Variants in OTUD7A observed in about 807,000 individuals in gnomAD.
OTUD7A encodes the protein OTU domain-containing protein 7A.
A neutral mutation model predicts 65.7 loss-of-function variants in OTUD7A; 12 were observed. The observed-to-expected ratio is 0.18, with a 90% CI of 0.12 to 0.30. The LOEUF (loss-of-function observed/expected upper bound fraction) is 0.30, where lower values mean the gene tolerates loss of function less well. OTUD7A is among the 10% of genes least tolerant of loss of function. OTUD7A has a pLI of 1.00. For synonymous variants in OTUD7A, 641 were observed against 586.3 expected, an observed-to-expected ratio of 1.09 and a Z score of -1.35; for missense variants, 1,148 against 1,304.8, an observed-to-expected ratio of 0.88 and a Z score of 1.85.
chr15:31,599,811 T>C (rs911398635), intron 3 of OTUD7A, among the ~76,000 whole-genome samples: 11 of 151,516 alleles, frequency 7.3e-5, no homozygotes, highest in Admixed American at 2.6e-4. Context: ...CCTGATGGAG[T>C]TGAAAAACAC....
chr15:31,570,711 G>A (rs535741571), intron 3 of OTUD7A, among the ~76,000 whole-genome samples: 1 of 152,332 alleles, frequency 6.6e-6, no homozygotes, highest in Admixed American at 6.5e-5. Context: ...GTGGGAGATA[G>A]GCTTCTGAGC....
At chr15:31,795,867 A>T (rs1046182401) in intron 1 of OTUD7A, among the ~76,000 whole-genome samples, 2 of 152,190 alleles carry the variant, frequency 1.3e-5, no homozygotes, top group Non-Finnish European at 2.9e-5. Context: ...AAAGAAAGAC[A>T]GCACAGGAAT....
At chr15:31,824,073 T>C (rs1464188330) in intron 1 of OTUD7A, among the ~76,000 whole-genome samples, 1 of 152,138 alleles carries the variant, frequency 6.6e-6, no homozygotes, top group Non-Finnish European at 1.5e-5. Flanking sequence ...ATGAAGAGCA[T>C]AGTAGGGGCA....
chr15:31,860,679 A>ATATATATATATATATATATGTATG (rs1897709689), intron 1 of OTUD7A, among the ~76,000 whole-genome samples: 7 of 40,880 alleles, frequency 1.7e-4, no homozygotes, highest in Admixed American at 3.0e-4. Flanking sequence ...GTATGTGTGT[A>ATATATATATATATATATATGTATG]TATATATATA....
At chr15:31,848,264 A>C (rs1480782204) in intron 1 of OTUD7A, among the ~76,000 whole-genome samples, 1 of 152,168 alleles carries the variant, frequency 6.6e-6, no homozygotes, top group Non-Finnish European at 1.5e-5. Flanking sequence ...GGTCTTGAAG[A>C]GAAGGCCCTG....
At chr15:31,832,680 G>A (rs1224527054) in intron 1 of OTUD7A, among the ~76,000 whole-genome samples, 1 of 152,154 alleles carries the variant, frequency 6.6e-6, no homozygotes, top group African/African-American at 2.4e-5. Context: ...GGTACCTCAT[G>A]TAAGTGGAAT....
At chr15:31,745,808 T>A (rs1282582486) in intron 1 of OTUD7A, among the ~76,000 whole-genome samples, 2 of 152,132 alleles carry the variant, frequency 1.3e-5, no homozygotes, top group Non-Finnish European at 2.9e-5. Flanking sequence ...AATTCTAACC[T>A]CTATGATAAA....
At chr15:31,593,727 A>C (rs1474902092) in intron 3 of OTUD7A, among the ~76,000 whole-genome samples, 1 of 152,118 alleles carries the variant, frequency 6.6e-6, no homozygotes, top group Non-Finnish European at 1.5e-5. Flanking sequence ...AAAATATATA[A>C]TTTCATTTCA....
Position 31,623,896 on chromosome 15 carries a change from C to G in OTUD7A, c.151+31200G>C, listed in dbSNP as rs191054417. 3.3e-3 allele frequency among the ~76,000 whole-genome samples: 498 copies of G among 152,274 alleles called. 1 individual carries two copies. Among genetic ancestry groups the G allele is most frequent in the Non-Finnish European group, 4.9e-3 (331 of 68,030 alleles). ...TAGACTGGAGCTGTTCCTATTCGGCCAACTTGGAACTGCCCCACCGATTTG... is the reference window on the plus strand; with the variant it reads ...TAGACTGGAGCTGTTCCTATTCGGCGAACTTGGAACTGCCCCACCGATTTG... On this transcript the variant is annotated intron_variant, in intron 3 of 12. Coordinates refer to ENST00000307050, the MANE Select transcript of OTUD7A (RefSeq NM_001382637.1).
intron 1 of OTUD7A, chr15:31,768,121 T>C: frequency 6.3e-7 from 1 of 1,595,104 alleles, no homozygotes; most frequent in Non-Finnish European, 8.6e-7. Context: ...TTAGAGGCAT[T>C]CCTGCTCGAA....
At chr15:31,530,161 C>T (rs1293954721) in intron 6 of OTUD7A, among the ~76,000 whole-genome samples, 1 of 152,176 alleles carries the variant, frequency 6.6e-6, no homozygotes, top group Non-Finnish European at 1.5e-5. Context: ...TGAGCAGTAC[C>T]TACGTCTGTT....
intron 5 of OTUD7A, among the ~76,000 whole-genome samples, chr15:31,545,624 G>A (rs1888107434): frequency 6.6e-6 from 1 of 152,020 alleles, no homozygotes; most frequent in African/African-American, 2.4e-5. Flanking sequence ...AAGAGGATAT[G>A]CAAATGGCCA....
At chr15:31,670,513 G>C (rs1892453881) in intron 1 of OTUD7A, among the ~76,000 whole-genome samples, 6 of 152,100 alleles carry the variant, frequency 3.9e-5, no homozygotes, top group Admixed American at 1.3e-4. Flanking sequence ...GTTTTGCTTT[G>C]CATTTCTGTA....
chr15:31,651,315 G>T (rs1163338268), intron 3 of OTUD7A, among the ~76,000 whole-genome samples: 3 of 149,428 alleles, frequency 2.0e-5, no homozygotes, highest in African/African-American at 5.0e-5. Context: ...GGAATAGAAA[G>T]AAATTTTCTT....
At chr15:31,543,398 G>A (rs1008909371) in intron 5 of OTUD7A, among the ~76,000 whole-genome samples, 1 of 151,840 alleles carries the variant, frequency 6.6e-6, no homozygotes, top group African/African-American at 2.4e-5. Flanking sequence ...CACATTGAAT[G>A]GGGGAAAATG....
At chr15:31,503,880 G>A in intron 8 of OTUD7A, 62 bp from the exon 9 acceptor site, 1 of 1,594,982 alleles carries the variant, frequency 6.3e-7, no homozygotes, top group Non-Finnish European at 8.6e-7. Flanking sequence ...TGGAGAAAGT[G>A]GGGACTGCTT....
At chr15:31,670,952 A>G (rs7177191) in intron 1 of OTUD7A, among the ~76,000 whole-genome samples, 51,243 of 151,508 alleles carry the variant, frequency 0.34, 11,400 homozygotes, top group African/African-American at 0.64. Flanking sequence ...CCGAGATTGC[A>G]CCACTGCACT....
chr15:31,736,835 G>C (rs919963709), intron 1 of OTUD7A, among the ~76,000 whole-genome samples: 1 of 151,484 alleles, frequency 6.6e-6, no homozygotes, highest in African/African-American at 2.4e-5. Context: ...TTTTTGGGGG[G>C]GCGGGGGGAC....
At chr15:31,602,927 TC>T (rs1159396221) in intron 3 of OTUD7A, among the ~76,000 whole-genome samples, 1 of 152,082 alleles carries the variant, frequency 6.6e-6, no homozygotes, top group African/African-American at 2.4e-5. Context: ...AAACCACTGC[TC>T]AAGGTAATAA....
Sources: allele counts gnomAD v4.1 joint callset (sites outside exome capture counted in the v4.1 genomes callset), GRCh38; gene constraint gnomAD v4.1.1; transcripts MANE v1.5; gene names NCBI Gene and HGNC (gene_info 2026-07-23, HGNC 2026-07-21).